Variants in CD300LG observed in about 807,000 individuals in gnomAD.
The protein encoded by CD300LG is CD300 molecule like family member g, also known as CMRF35-like molecule 9.
In CD300LG, 29 loss-of-function variants were observed where a neutral mutation model predicts 31.5. The ratio of observed to expected loss-of-function variants is 0.92; its 90% confidence interval spans 0.68 to 1.25. The LOEUF (loss-of-function observed/expected upper bound fraction) is 1.25. CD300LG is among the 50% of genes most tolerant of loss of function. CD300LG has a pLI of 0.00. For missense variants in CD300LG, 396 were observed against 417.6 expected, an observed-to-expected ratio of 0.95 and a Z score of 0.45; for synonymous variants, 175 against 177.2, an observed-to-expected ratio of 0.99 and a Z score of 0.10.
Position 43,861,894 on chromosome 17 carries a change from A to C in CD300LG, c.982A>C (p.Lys328Gln), listed in dbSNP as rs867190155. 1 of 1,610,574 alleles carries C rather than the reference A, an allele frequency of 6.2e-7. No individual in the cohort carries two copies. The highest frequency in any genetic ancestry group is 1.3e-5 in the African/African-American group (1 of 74,886). Residue 328 changes from lysine to glutamine, a missense_variant, in exon 7 of 7, where the codon AAG becomes CAG. Physicochemically the swap from Lys to Gln is moderately conservative, Grantham distance 53 (BLOSUM62 1). Transcript: ENST00000317310. The stretch of plus-strand genomic sequence containing the variant: ...ATCTGAGGAGGAGCTGGGCTTCTCG[A>C]AGTTTGTCTCAGCGTAGGGCAGGAG... ...HTSEEELGFS[K>Q]FVSA
intron 6 of CD300LG, chr17:43,858,436 G>A (rs989373917): frequency 3.0e-6 from 3 of 985,344 alleles, no homozygotes; most frequent in Non-Finnish European, 3.6e-6. Context: ...ACCAGCCACA[G>A]CTCCCATGCT....
chr17:43,858,295 G>A (rs1355340170), intron 6 of CD300LG: 3 of 1,011,554 alleles, frequency 3.0e-6, no homozygotes, highest in African/African-American at 1.7e-5. Context: ...GGAGACACAC[G>A]GATGGATGGA....
At chr17:43,850,452 TATTCATTCATTCATTC>T (rs147005101) in intron 2 of CD300LG, among the ~76,000 whole-genome samples, 1 of 151,442 alleles carries the variant, frequency 6.6e-6, no homozygotes, top group East Asian at 1.9e-4. Context: ...TATTTATTTT[TATTCATTCATTCATTC>T]ATTCATTCAT....
At chr17:43,848,950 A>T in intron 2 of CD300LG, 57 bp downstream of exon 2, 7 of 1,420,502 alleles carry the variant, frequency 4.9e-6, no homozygotes, top group Non-Finnish European at 6.9e-6. Flanking sequence ...GGGAAGAGGG[A>T]GGGGTGGTGG....
intron 2 of CD300LG, among the ~76,000 whole-genome samples, chr17:43,851,095 C>G (rs2143312216): frequency 7.2e-6 from 1 of 139,834 alleles, no homozygotes; most frequent in South Asian, 2.2e-4. Context: ...GATCGTGCCA[C>G]TGCACTCCAG....
chr17:43,848,710 T>A lies in CD300LG; in HGVS notation c.196T>A (p.Tyr66Asn), dbSNP rs762941051. The change falls in exon 2 of 7, where the codon TAT becomes AAT. Residue 66 changes from tyrosine to asparagine, a missense_variant. Physicochemically the swap from Tyr to Asn is moderately radical, Grantham distance 143. Coordinates refer to ENST00000317310, the MANE Select transcript of CD300LG (RefSeq NM_145273.4). ...CTTCTCTCGCTGCTCTGGCACCATC[T>A]ATGCAGAAGAAGAAGGCCAGGAGAC... ...ILFSRCSGTI[Y>N]AEEEGQETMK... 1.2e-6 allele frequency: 2 copies of A among 1,614,058 alleles called. No individual in the cohort carries two copies. Among genetic ancestry groups the A allele is most frequent in the Non-Finnish European group, 1.7e-6 (2 of 1,180,010 alleles).
Position 43,852,840 on chromosome 17 carries a change from A to C in CD300LG, c.380-72A>C, listed in dbSNP as rs1598394224. ...TGAGGTGGGGGGTAGGAAAACTGCC[A>C]GCTGCTCCCAAGGAAGGAAAAGGGG... On this transcript the variant is annotated intron_variant, in intron 2 of 6. Coordinates refer to ENST00000317310, the MANE Select transcript of CD300LG (RefSeq NM_145273.4). 2.4e-6 allele frequency: 3 copies of C among 1,268,316 alleles called. No homozygotes were observed. In the East Asian group the frequency reaches 7.5e-5, roughly 32 times the overall value. 78.6% of individuals were successfully genotyped at this position (1,268,316 alleles called of 1,614,324 possible). A position where few individuals can be genotyped will look rare whatever the true frequency, so the allele number is the denominator to read the frequency against.
chr17:43,857,187 T>G (rs1407039444), intron 6 of CD300LG, 31 bp downstream of exon 6: 2 of 1,611,276 alleles, frequency 1.2e-6, no homozygotes, highest in South Asian at 2.2e-5. Context: ...AAGCCCAAGC[T>G]CAGATCCCCT....
At chr17:43,860,967 A>G (rs532674291) in intron 6 of CD300LG, among the ~76,000 whole-genome samples, 10 of 152,278 alleles carry the variant, frequency 6.6e-5, no homozygotes, top group Non-Finnish European at 1.2e-4. Flanking sequence ...CAAGACAGGA[A>G]GGAAGGAAGT....
intron 2 of CD300LG, chr17:43,849,560 T>C (rs2046289024): frequency 6.6e-6 from 1 of 152,572 alleles, no homozygotes; most frequent in South Asian, 2.1e-4. Flanking sequence ...CAAGTGGACC[T>C]GCTGAGCTAA....
intron 6 of CD300LG, among the ~76,000 whole-genome samples, chr17:43,860,724 G>A (rs951545336): frequency 6.6e-6 from 1 of 152,220 alleles, no homozygotes; most frequent in African/African-American, 2.4e-5. Flanking sequence ...AATCTTTGGC[G>A]TGTCCAACTT....
chr17:43,859,165 T>G (rs1268393516), intron 6 of CD300LG, among the ~76,000 whole-genome samples: 1 of 152,112 alleles, frequency 6.6e-6, no homozygotes, highest in Admixed American at 6.5e-5. Flanking sequence ...ACAAGGGGTT[T>G]GAGGAATGGA....
rs959028901 is a variant in CD300LG at position 43,858,428 on chromosome 17, C to A, written c.885+1272C>A. The A allele has an allele frequency of 1.0e-5, 10 of 985,336 alleles. No homozygotes were observed. The Admixed American group carries it at 6.1e-4, about 61-fold the overall frequency. 61.0% of individuals were successfully genotyped at this position (985,336 alleles called of 1,614,324 possible). ...CCAAGGAGGCTGAGAGCGCCGGAAC[C>A]AGCCACAGCTCCCATGCTACTGCCT... On this transcript the variant is annotated intron_variant, in intron 6 of 6. Coordinates refer to ENST00000317310, the MANE Select transcript of CD300LG (RefSeq NM_145273.4).
At chr17:43,861,263 G>C in intron 6 of CD300LG, 2 of 985,420 alleles carry the variant, frequency 2.0e-6, no homozygotes, top group Non-Finnish European at 2.4e-6. Flanking sequence ...AGTATGGACA[G>C]AAGGGCCCTG....
intron 3 of CD300LG, 103 bp from the exon 4 acceptor site, chr17:43,853,704 G>A (rs1023672635): frequency 2.7e-5 from 24 of 894,400 alleles, no homozygotes; most frequent in Non-Finnish European, 3.5e-5. Context: ...TCCGAGAAAC[G>A]GGTCCCAGGG....
chr17:43,861,147 G>T (rs1164350965), intron 6 of CD300LG: 2 of 985,268 alleles, frequency 2.0e-6, no homozygotes, highest in Non-Finnish European at 1.2e-6. Context: ...CTGGGGAATG[G>T]CCGGGACCCA....
chr17:43,855,199 G>A lies in CD300LG; in HGVS notation c.720-8G>A, dbSNP rs200308377. 134 of 1,588,662 alleles carry A rather than the reference G, an allele frequency of 8.4e-5. No homozygotes were observed. The East Asian group carries it at 1.9e-3, about 22-fold the overall frequency. On this transcript the variant is annotated splice_polypyrimidine_tract_variant and splice_region_variant and intron_variant, in intron 4 of 6. Transcript: ENST00000317310. The stretch of plus-strand genomic sequence containing the variant: ...ACAGCCACTAGGCTCCTTGCGTCTC[G>A]TCTCCAGGGTGTCCATCCCGATGGT...
Position 43,863,263 on chromosome 17 carries a change from C to A in CD300LG, c.*1352C>A, listed in dbSNP as rs1490703026. 6.6e-6 allele frequency: 1 copy of A among 152,188 alleles called. No homozygotes were observed. The highest frequency in any genetic ancestry group is 1.5e-5 in the Non-Finnish European group (1 of 68,060). The allele number at this position is 152,188 out of a possible 1,614,324, so 9.4% of individuals were successfully genotyped here. A position where few individuals can be genotyped will look rare whatever the true frequency, so the allele number is the denominator to read the frequency against. On this transcript the variant is annotated 3_prime_UTR_variant, in exon 7 of 7. Transcript: ENST00000317310. ...TGAACTCCTGACCTCAAATGAGCCT[C>A]CTGCTTCAGTCTCCCAAATTGCCGG...
chr17:43,857,480 A>C, intron 6 of CD300LG: 3 of 1,535,162 alleles, frequency 2.0e-6, no homozygotes, highest in Non-Finnish European at 2.6e-6. Flanking sequence ...AGAACATCAG[A>C]GCTGGATCCA....
Sources: allele counts gnomAD v4.1 joint callset (sites outside exome capture counted in the v4.1 genomes callset), GRCh38; gene constraint gnomAD v4.1.1; transcripts MANE v1.5; gene names NCBI Gene and HGNC (gene_info 2026-07-23, HGNC 2026-07-21).